The following NSD3 variants were observed in gnomAD, a reference collection of about 807,000 sequenced individuals.
NSD3 encodes histone-lysine N-methyltransferase NSD3.
NSD3 carries 24 observed loss-of-function variants against 160.8 expected under a neutral mutation model. The ratio of observed to expected loss-of-function variants is 0.15; its 90% CI spans 0.11 to 0.21. The LOEUF (loss-of-function observed/expected upper bound fraction) is 0.21, where lower values mean the gene tolerates loss of function less well. NSD3 is among the 10% of genes least tolerant of loss of function. The pLI is 1.00. For missense variants in NSD3, 1,157 were observed against 1,735.9 expected (o/e 0.67, Z 5.93); for synonymous variants, 520 against 600.0 (o/e 0.87, Z 1.95).
intron 12 of NSD3, among the ~76,000 whole-genome samples, chr8:38,306,445 C>T (rs1585871672): frequency 6.6e-6 from 1 of 151,946 alleles, no homozygotes; most frequent in African/African-American, 2.4e-5. Flanking sequence ...GCCCAGATGG[C>T]TCCACTGGTG....
At chr8:38,311,061 G>A (rs1026772698) in intron 12 of NSD3, among the ~76,000 whole-genome samples, 1 of 142,658 alleles carries the variant, frequency 7.0e-6, no homozygotes, top group African/African-American at 2.6e-5. Context: ...GCTTTGATTT[G>A]CATTTCCCTG....
At chr8:38,303,231 AT>A (rs1809316383) in intron 14 of NSD3, 7 of 985,096 alleles carry the variant, frequency 7.1e-6, no homozygotes, top group Non-Finnish European at 8.4e-6. Context: ...TAATACAATA[AT>A]TTTTTCTTCT....
chr8:38,285,029 TGTGAAAAAA>T (rs1808826647), intron 19 of NSD3, among the ~76,000 whole-genome samples: 1 of 152,190 alleles, frequency 6.6e-6, no homozygotes, highest in Admixed American at 6.5e-5. Flanking sequence ...TGAATTCAAC[TGTGAAAAAA>T]AATTGTAACA....
At chr8:38,351,164 A>T (rs901941560) in intron 1 of NSD3, among the ~76,000 whole-genome samples, 17 of 148,772 alleles carry the variant, frequency 1.1e-4, no homozygotes, top group Middle Eastern at 3.5e-3. Context: ...TTTTTAGTAG[A>T]GACGGGGTTT....
At chr8:38,358,328 G>C (rs2150389054) in intron 1 of NSD3, among the ~76,000 whole-genome samples, 1 of 152,240 alleles carries the variant, frequency 6.6e-6, no homozygotes, top group East Asian at 1.9e-4. Context: ...CACAGAGGAA[G>C]ACGGTGGTCT....
intron 1 of NSD3, among the ~76,000 whole-genome samples, chr8:38,358,891 C>T (rs1214310024): frequency 6.6e-6 from 1 of 151,606 alleles, no homozygotes; most frequent in Non-Finnish European, 1.5e-5. Flanking sequence ...AAATTGACAC[C>T]AAGAAGTAAA....
intron 12 of NSD3, 60 bp from the exon 13 acceptor site, chr8:38,305,505 A>C: frequency 6.4e-7 from 1 of 1,550,974 alleles, no homozygotes; most frequent in African/African-American, 1.4e-5. Context: ...TTCAAGTAGA[A>C]GCAGCTACAG....
In NSD3 at chr8:38,321,229, A is replaced by G; in HGVS notation, c.1709-57T>C. The G allele has an allele frequency of 2.1e-6, 3 of 1,432,952 alleles. No homozygotes were observed. The highest frequency in any genetic ancestry group is 2.9e-6 in the Non-Finnish European group (3 of 1,041,294). 88.8% of individuals were successfully genotyped at this position (1,432,952 alleles called of 1,614,324 possible). A position where few individuals can be genotyped will look rare whatever the true frequency, so the allele number is the denominator to read the frequency against. Reference sequence around the variant, plus strand: ...CTCACTTAAGGATACCTTGACATCTATGTAATTAAGATATGACCACATTCC... The same window carrying G: ...CTCACTTAAGGATACCTTGACATCTGTGTAATTAAGATATGACCACATTCC... On this transcript the variant is annotated intron_variant, in intron 7 of 23. Transcript: ENST00000317025. This position sits in a 1 kb window ranked among gnomAD's most constrained non-coding sequence, Gnocchi z 4.7.
intron 14 of NSD3, 111 bp from the exon 15 acceptor site, chr8:38,299,701 G>A (rs952815988): frequency 4.7e-6 from 5 of 1,071,402 alleles, no homozygotes; most frequent in Non-Finnish European, 6.1e-6. Context: ...GGTGGGGAGG[G>A]CGAAAATGAG....
At chr8:38,326,673 A>C in intron 7 of NSD3, 57 bp downstream of exon 7, 5 of 1,503,676 alleles carry the variant, frequency 3.3e-6, no homozygotes, top group Non-Finnish European at 4.5e-6. Flanking sequence ...ACATTATAGC[A>C]GAACAGAACA....
At chr8:38,300,351 TG>T (rs1357242511) in intron 14 of NSD3, among the ~76,000 whole-genome samples, 1 of 151,966 alleles carries the variant, frequency 6.6e-6, no homozygotes, top group African/African-American at 2.4e-5. Flanking sequence ...TTTGTAGAGA[TG>T]GGGTCTATAA....
chr8:38,347,383 TAAAGA>T, intron 2 of NSD3, 109 bp downstream of exon 2: 1 of 1,154,804 alleles, frequency 8.7e-7, no homozygotes, highest in East Asian at 2.4e-5. Flanking sequence ...TGCTAGTGAT[TAAAGA>T]AGTTATCAGA....
intron 1 of NSD3, among the ~76,000 whole-genome samples, chr8:38,364,272 G>C (rs554984274): frequency 8.5e-6 from 1 of 117,184 alleles, no homozygotes; most frequent in Admixed American, 9.0e-5. Flanking sequence ...GCAAGACTCC[G>C]TCTCAAACAA....
intron 4 of NSD3, among the ~76,000 whole-genome samples, chr8:38,332,801 TTGAAA>T (rs1810098133): frequency 6.6e-6 from 1 of 151,868 alleles, no homozygotes; most frequent in Admixed American, 6.6e-5. Context: ...GACTAGACAT[TTGAAA>T]AAAGTAAAAA....
chr8:38,288,864 GA>G lies in NSD3; in HGVS notation c.3232-109del. ...CTACTGCCTCGTGGTGCTACTCCGA[GA>G]AAGGTTGTCTTTCCTGATGAATAAG... On this transcript the variant is annotated intron_variant, in intron 18 of 23. Coordinates refer to ENST00000317025, the MANE Select transcript of NSD3 (RefSeq NM_023034.2). This position sits in a 1 kb window ranked among gnomAD's most constrained non-coding sequence, Gnocchi z 4.5. 1 of 1,390,112 alleles carries G rather than the reference GA, an allele frequency of 7.2e-7. No homozygotes were observed. The highest frequency in any genetic ancestry group is 9.7e-7 in the Non-Finnish European group (1 of 1,027,876). The allele number at this position is 1,390,112 out of a possible 1,614,324, so 86.1% of individuals were successfully genotyped here. A position where few individuals can be genotyped will look rare whatever the true frequency, so the allele number is the denominator to read the frequency against.
intron 1 of NSD3, among the ~76,000 whole-genome samples, chr8:38,366,770 T>C (rs1030378505): frequency 5.3e-5 from 8 of 152,182 alleles, no homozygotes; most frequent in Non-Finnish European, 1.2e-4. Context: ...TAACCACACG[T>C]AGCTATTTAA....
chr8:38,368,195 G>T (rs1563370604), intron 1 of NSD3, among the ~76,000 whole-genome samples: 1 of 152,116 alleles, frequency 6.6e-6, no homozygotes, highest in Non-Finnish European at 1.5e-5. Context: ...CCTGACCTCA[G>T]GTGATCCACT....
At chr8:38,279,444 T>C (rs1808683782) in intron 21 of NSD3, 96 bp downstream of exon 21, 2 of 1,384,308 alleles carry the variant, frequency 1.4e-6, no homozygotes, top group East Asian at 4.7e-5. Flanking sequence ...TTTAAATAAG[T>C]TCTTGGGCAT....
intron 1 of NSD3, among the ~76,000 whole-genome samples, chr8:38,356,643 T>C (rs1319592728): frequency 6.6e-6 from 1 of 152,224 alleles, no homozygotes; most frequent in Non-Finnish European, 1.5e-5. Flanking sequence ...AATTAAGTAT[T>C]CATAATGTGC....
Sources: allele counts gnomAD v4.1 joint callset (sites outside exome capture counted in the v4.1 genomes callset), GRCh38; gene constraint gnomAD v4.1.1; non-coding constraint Gnocchi (gnomAD v3.1); transcripts MANE v1.5; gene names NCBI Gene and HGNC (gene_info 2026-07-23, HGNC 2026-07-21).